The following SEMA5A variants were observed in gnomAD, a reference collection of about 807,000 sequenced individuals.
SEMA5A encodes semaphorin-5A.
A neutral mutation model predicts 135.5 loss-of-function variants in SEMA5A; 55 were observed. The ratio of observed to expected loss-of-function variants is 0.41; its 90% confidence interval spans 0.33 to 0.51. The LOEUF is 0.51. Ranked by LOEUF, SEMA5A falls within the 20% of genes least tolerant of loss-of-function variation. The pLI, the probability that SEMA5A is intolerant of heterozygous loss-of-function variation, is 0.37. For synonymous variants in SEMA5A, 580 were observed against 546.5 expected (o/e 1.06, Z -0.85); for missense variants, 1,290 against 1,419.9 (o/e 0.91, Z 1.47).
chr5:9,189,922 C>G (rs1385969356), intron 11 of SEMA5A, among the ~76,000 whole-genome samples: 3 of 152,214 alleles, frequency 2.0e-5, no homozygotes, highest in African/African-American at 7.2e-5. Flanking sequence ...TAATATTTCA[C>G]CCAACAACAT....
At chr5:9,051,299 T>C (rs74403751) in intron 20 of SEMA5A, among the ~76,000 whole-genome samples, 3,911 of 152,306 alleles carry the variant, frequency 0.026, 167 homozygotes, top group African/African-American at 0.089. Context: ...AGTGGACATA[T>C]GCGCAATGAT....
At chr5:9,352,090 A>T (rs1388426861) in intron 3 of SEMA5A, among the ~76,000 whole-genome samples, 1 of 41,778 alleles carries the variant, frequency 2.4e-5, no homozygotes, top group Non-Finnish European at 1.1e-4. Context: ...TGAATGTAAC[A>T]GGTCGGGGGG....
chr5:9,529,335 C>T (rs759636378), intron 1 of SEMA5A, among the ~76,000 whole-genome samples: 1 of 152,232 alleles, frequency 6.6e-6, no homozygotes, highest in Non-Finnish European at 1.5e-5. Context: ...CGGCACCTTT[C>T]CTAGAGGTCA....
intron 2 of SEMA5A, among the ~76,000 whole-genome samples, chr5:9,382,093 C>T (rs979527760): frequency 6.6e-6 from 1 of 151,650 alleles, no homozygotes; most frequent in Non-Finnish European, 1.5e-5. Flanking sequence ...GTCAGGAGTT[C>T]GAGACCAACC....
chr5:9,146,843 CA>C (rs1340430054), intron 12 of SEMA5A, among the ~76,000 whole-genome samples: 3 of 152,096 alleles, frequency 2.0e-5, no homozygotes, highest in Admixed American at 2.0e-4. Flanking sequence ...GAGGTTAAAC[CA>C]AAGCCAGCAC....
rs889548514 is a variant in SEMA5A, at chr5:9,037,675, T to TAAAG, written c.*5218_*5221dup. On this transcript the variant is annotated 3_prime_UTR_variant, in exon 23 of 23. Coordinates refer to ENST00000382496, the MANE Select transcript of SEMA5A (RefSeq NM_003966.3). ...ACCAAAAGAGAAAAGAAGCAAGGAT[T>TAAAG]AAAGCAACATATTTTCCTTTGCTTT... 1.6e-4 allele frequency: 25 copies of TAAAG among 152,354 alleles called. No individual in the cohort carries two copies. Among genetic ancestry groups the TAAAG allele is most frequent in the Admixed American group, 1.4e-3 (22 of 15,292 alleles). The allele number at this position is 152,354 out of a possible 1,614,324, so 9.4% of individuals were successfully genotyped here.
intron 11 of SEMA5A, among the ~76,000 whole-genome samples, chr5:9,184,362 C>T (rs920784446): frequency 6.6e-6 from 1 of 151,910 alleles, no homozygotes; most frequent in African/African-American, 2.4e-5. Flanking sequence ...TGCACAAATA[C>T]AGTATGCTTT....
chr5:9,542,987 CAATTTCAA>C (rs1738174193), intron 1 of SEMA5A, among the ~76,000 whole-genome samples: 1 of 152,208 alleles, frequency 6.6e-6, no homozygotes, highest in African/African-American at 2.4e-5. Flanking sequence ...AGCAAAGGCT[CAATTTCAA>C]TGACTTTATG....
chr5:9,182,394 G>C (rs1171251781), intron 11 of SEMA5A, among the ~76,000 whole-genome samples: 6 of 152,102 alleles, frequency 3.9e-5, no homozygotes, highest in Non-Finnish European at 7.4e-5. Flanking sequence ...TTAACCAAGA[G>C]CAGCATTTCT....
At chr5:9,375,573 A>G (rs1157811125) in intron 3 of SEMA5A, among the ~76,000 whole-genome samples, 5 of 149,816 alleles carry the variant, frequency 3.3e-5, no homozygotes, top group African/African-American at 1.2e-4. Context: ...CAGAACTGTA[A>G]GAAGAGACAA....
intron 11 of SEMA5A, among the ~76,000 whole-genome samples, chr5:9,161,350 A>G (rs1006306800): frequency 2.0e-5 from 3 of 152,182 alleles, no homozygotes; most frequent in African/African-American, 7.2e-5. Flanking sequence ...CTAGACTAGC[A>G]CTGTCCAATG....
intron 1 of SEMA5A, among the ~76,000 whole-genome samples, chr5:9,477,060 C>G (rs1461828424): frequency 1.3e-5 from 2 of 152,102 alleles, no homozygotes; most frequent in Admixed American, 6.5e-5. Context: ...ACAGTTTCCC[C>G]ATGCTGTTCT....
chr5:9,236,371 T>C (rs772264704), intron 6 of SEMA5A, among the ~76,000 whole-genome samples: 3 of 152,110 alleles, frequency 2.0e-5, no homozygotes, highest in Non-Finnish European at 4.4e-5. Context: ...CCCATCTCAT[T>C]CCTTGGCACA....
chr5:9,100,576 C>T (rs965689597), intron 16 of SEMA5A, among the ~76,000 whole-genome samples: 8 of 152,144 alleles, frequency 5.3e-5, no homozygotes, highest in Non-Finnish European at 1.0e-4. Flanking sequence ...CTAATAGGAG[C>T]TTTTCCCTCT....
chr5:9,297,876 G>A (rs1751420799), intron 5 of SEMA5A, among the ~76,000 whole-genome samples: 1 of 152,050 alleles, frequency 6.6e-6, no homozygotes, highest in African/African-American at 2.4e-5. Flanking sequence ...GAACCACCAT[G>A]CCTGGCCAAT....
intron 1 of SEMA5A, among the ~76,000 whole-genome samples, chr5:9,532,837 G>GA (rs1313695768): frequency 6.6e-6 from 1 of 152,110 alleles, no homozygotes; most frequent in African/African-American, 2.4e-5. Context: ...AGAGTGAGGG[G>GA]AAAAATCTCA....
At chr5:9,060,142 G>C (rs1159422932) in intron 18 of SEMA5A, among the ~76,000 whole-genome samples, 1 of 152,182 alleles carries the variant, frequency 6.6e-6, no homozygotes, top group African/African-American at 2.4e-5. Flanking sequence ...CCACTGCCTA[G>C]TGCAAGGTGA....
At position 9,499,280 on chromosome 5, in the gene SEMA5A, C is replaced by T. The variant is rs569149216; in HGVS notation, c.-175+46304G>A. 2.6e-5 allele frequency among the ~76,000 whole-genome samples: 4 copies of T among 152,290 alleles called. No individual in the cohort carries two copies. In the East Asian group the frequency reaches 5.8e-4, roughly 22 times the overall value. ...GGAAAAACATCAAAGAATTTAGTGT[C>T]GTGTCCTTATTTTCTTTCCACCTCA... is the stretch of plus-strand genomic sequence containing the variant. On this transcript the variant is annotated intron_variant, in intron 1 of 22. Transcript: ENST00000382496.
Position 9,103,077 on chromosome 5 carries a change from C to G in SEMA5A, c.2073+5063G>C, listed in dbSNP as rs1002323485. Among the ~76,000 whole-genome samples the G allele has an allele frequency of 7.9e-5, 12 of 152,192 alleles. No individual in the cohort carries two copies. The South Asian group carries it at 2.5e-3, about 32-fold the overall frequency. ...TCCCATTAATCTCACTGTTCTTGTT[C>G]GTATACTTGCTGAGGGAGACACAGC... On this transcript the variant is annotated intron_variant, in intron 16 of 22. Coordinates refer to ENST00000382496, the MANE Select transcript of SEMA5A (RefSeq NM_003966.3).
Sources: allele counts gnomAD v4.1 joint callset (sites outside exome capture counted in the v4.1 genomes callset), GRCh38; gene constraint gnomAD v4.1.1; transcripts MANE v1.5; gene names NCBI Gene and HGNC (gene_info 2026-07-23, HGNC 2026-07-21).